Variants in TNS3 observed in about 807,000 individuals in gnomAD.
The protein encoded by TNS3 is tensin 3.
TNS3 carries 45 observed loss-of-function variants against 140.9 expected under a neutral mutation model. The observed-to-expected ratio is 0.32, with a 90% CI of 0.25 to 0.41. The LOEUF is 0.41. TNS3 is among the 10% of genes least tolerant of loss of function. The probability of loss-of-function intolerance (pLI) is 1.00; values close to 1 mark genes in which losing one functional copy is unlikely to be tolerated. For missense variants in TNS3, 1,716 were observed against 1,906.7 expected (o/e 0.90, Z 1.86); for synonymous variants, 815 against 788.4 (o/e 1.03, Z -0.56).
rs1793512007 is a variant in TNS3 at position 47,407,452 on chromosome 7, C to T, written c.723+4275G>A. On this transcript the variant is annotated intron_variant, in intron 13 of 30. Transcript: ENST00000311160. The surrounding 1 kb of genome is among the most constrained non-coding windows in gnomAD (Gnocchi z 4.1). Reference sequence around the variant, plus strand: ...CACGTGTCCACCGCATCTTCTCATGCAGGCCGCACGCTGAACGTGCTCAGG... The same window carrying T: ...CACGTGTCCACCGCATCTTCTCATGTAGGCCGCACGCTGAACGTGCTCAGG... Among the ~76,000 whole-genome samples the T allele has an allele frequency of 6.6e-6, 1 of 152,216 alleles. No individual in the cohort carries two copies. Among genetic ancestry groups the T allele is most frequent in the Admixed American group, 6.5e-5 (1 of 15,286 alleles).
chr7:47,432,617 T>C (rs1396252770), intron 8 of TNS3, among the ~76,000 whole-genome samples: 1 of 152,228 alleles, frequency 6.6e-6, no homozygotes, highest in African/African-American at 2.4e-5. Flanking sequence ...ATATGAGGTC[T>C]TTCTTAATGA....
chr7:47,529,539 T>C (rs1052540781), intron 1 of TNS3, among the ~76,000 whole-genome samples: 3 of 152,220 alleles, frequency 2.0e-5, no homozygotes, highest in Admixed American at 6.5e-5. Flanking sequence ...CTTTTTCTTC[T>C]GGAAAAAGTA....
At chr7:47,492,333 G>A (rs1284011333) in intron 3 of TNS3, among the ~76,000 whole-genome samples, 3 of 152,234 alleles carry the variant, frequency 2.0e-5, no homozygotes, top group African/African-American at 7.2e-5. Flanking sequence ...GGACACAGCC[G>A]CATATCGGCA....
chr7:47,445,321 A>G (rs1438848464), intron 4 of TNS3, among the ~76,000 whole-genome samples: 1 of 152,184 alleles, frequency 6.6e-6, no homozygotes, highest in Non-Finnish European at 1.5e-5. Context: ...AAACCCCAGT[A>G]AGCAGACATC....
At chr7:47,443,224 C>T (rs1795557242) in intron 4 of TNS3, among the ~76,000 whole-genome samples, 1 of 152,200 alleles carries the variant, frequency 6.6e-6, no homozygotes, top group Non-Finnish European at 1.5e-5. Context: ...TAGTAACAGA[C>T]AGGGCCAGTC....
chr7:47,348,070 C>T (rs542649279), intron 17 of TNS3, among the ~76,000 whole-genome samples: 1 of 152,354 alleles, frequency 6.6e-6, no homozygotes, highest in East Asian at 1.9e-4. Flanking sequence ...CACTCCAGTG[C>T]TCTTCAACAC....
intron 1 of TNS3, among the ~76,000 whole-genome samples, chr7:47,540,629 C>T (rs866759114): frequency 2.0e-5 from 3 of 152,186 alleles, no homozygotes; most frequent in Non-Finnish European, 2.9e-5. Context: ...ACGATCTACA[C>T]GCAGTGTTAG....
intron 1 of TNS3, among the ~76,000 whole-genome samples, chr7:47,533,193 C>T (rs1440697670): frequency 8.3e-5 from 11 of 131,770 alleles, no homozygotes; most frequent in Admixed American, 3.4e-4. Flanking sequence ...AGTACAGTGG[C>T]GCAATCTTGG....
At chr7:47,562,670 C>T (rs1800341384) in intron 1 of TNS3, among the ~76,000 whole-genome samples, 1 of 152,136 alleles carries the variant, frequency 6.6e-6, no homozygotes, top group South Asian at 2.1e-4. Flanking sequence ...CAGGCATGAG[C>T]CACCGCACCA....
chr7:47,478,806 T>C (rs1445693179), intron 4 of TNS3, among the ~76,000 whole-genome samples: 2 of 152,136 alleles, frequency 1.3e-5, no homozygotes, highest in African/African-American at 4.8e-5. Flanking sequence ...CAATTACATG[T>C]ATAACATGCA....
At position 47,435,410 on chromosome 7, in the gene TNS3, A is replaced by G. The variant is rs771430449; in HGVS notation, c.202-6T>C. 2.5e-6 allele frequency: 4 copies of G among 1,613,278 alleles called. No homozygotes were observed. The South Asian group carries it at 4.4e-5, about 18-fold the overall frequency. ...GGCCAGCCCACATCCATGATCTGCAACAAGAAAGGGGAGCTTCCTCGGTTT... is the reference window on the plus strand; with the variant it reads ...GGCCAGCCCACATCCATGATCTGCAGCAAGAAAGGGGAGCTTCCTCGGTTT... On this transcript the variant is annotated splice_region_variant and splice_polypyrimidine_tract_variant and intron_variant, in intron 7 of 30. Coordinates refer to ENST00000311160, the MANE Select transcript of TNS3 (RefSeq NM_022748.12).
At chr7:47,493,425 G>C (rs759058792) in intron 3 of TNS3, among the ~76,000 whole-genome samples, 1 of 152,184 alleles carries the variant, frequency 6.6e-6, no homozygotes, top group Non-Finnish European at 1.5e-5. Flanking sequence ...CACAAAGGTA[G>C]GCACCAGAGA....
intron 1 of TNS3, among the ~76,000 whole-genome samples, chr7:47,547,905 T>G (rs1799964608): frequency 6.6e-6 from 1 of 152,196 alleles, no homozygotes; most frequent in Non-Finnish European, 1.5e-5. Flanking sequence ...ACCCTGGCTC[T>G]CATTCTCCAA....
chr7:47,380,762 A>C (rs1562662464), intron 16 of TNS3, among the ~76,000 whole-genome samples: 2 of 139,548 alleles, frequency 1.4e-5, no homozygotes, highest in African/African-American at 5.6e-5. Context: ...ACACATATGC[A>C]CGCGCGCGCA....
intron 4 of TNS3, among the ~76,000 whole-genome samples, chr7:47,444,801 A>G (rs946707322): frequency 6.6e-6 from 1 of 152,174 alleles, no homozygotes; most frequent in Admixed American, 6.5e-5. Context: ...AAAACAAACA[A>G]AAAAAACCTT....
intron 30 of TNS3, chr7:47,279,181 T>C (rs968078598): frequency 1.2e-4 from 19 of 152,420 alleles, no homozygotes; most frequent in African/African-American, 4.6e-4. Flanking sequence ...AGACAAGCCA[T>C]TTGAAAACAG....
At chr7:47,305,087 A>G in intron 20 of TNS3, 84 bp from the exon 21 acceptor site, 1 of 1,122,176 alleles carries the variant, frequency 8.9e-7, no homozygotes, top group Non-Finnish European at 1.2e-6. Flanking sequence ...CATGTTCCAC[A>G]AGAAACAGTG....
chr7:47,499,745 A>G (rs1215439169), intron 3 of TNS3, among the ~76,000 whole-genome samples: 2 of 152,174 alleles, frequency 1.3e-5, no homozygotes, highest in East Asian at 1.9e-4. Context: ...TTTCTAGGGC[A>G]GCGAAACTAC....
At chr7:47,393,501 T>A (rs934783378) in intron 16 of TNS3, among the ~76,000 whole-genome samples, 1 of 152,134 alleles carries the variant, frequency 6.6e-6, no homozygotes, top group Non-Finnish European at 1.5e-5. Context: ...AGATTCCGTG[T>A]GGCGGGTTCT....
Sources: gnomAD v4.1 joint callset for allele counts (sites outside exome capture counted in the v4.1 genomes callset) on GRCh38, gnomAD v4.1.1 for gene constraint, Gnocchi (gnomAD v3.1) non-coding constraint, MANE v1.5 for transcripts, NCBI Gene and HGNC (gene_info 2026-07-23, HGNC 2026-07-21) for gene names.